SPIRE1: variants seen among roughly 807,000 people sequenced by gnomAD.
SPIRE1 encodes the protein spire type actin nucleation factor 1, also known as protein spire homolog 1.
Under a neutral mutation model 94.1 loss-of-function variants are expected in SPIRE1, and 40 were observed. The ratio of observed to expected loss-of-function variants is 0.43; its 90% CI spans 0.33 to 0.55. The LOEUF is 0.55. Among genes scored for constraint, SPIRE1 ranks in the 20% least tolerant of loss-of-function variants. The probability of loss-of-function intolerance (pLI) is 0.06; values close to 1 mark genes in which losing one functional copy is unlikely to be tolerated. For synonymous variants in SPIRE1, 376 were observed against 371.7 expected, an observed-to-expected ratio of 1.01 and a Z score of -0.13; for missense variants, 838 against 975.2, an observed-to-expected ratio of 0.86 and a Z score of 1.87.
chr18:12,632,485 C>T (rs993383564), intron 2 of SPIRE1, among the ~76,000 whole-genome samples: 1 of 152,074 alleles, frequency 6.6e-6, no homozygotes, highest in Non-Finnish European at 1.5e-5. Flanking sequence ...CTGGCTCTAC[C>T]GCCTCACCAC....
chr18:12,564,708 G>A (rs189261501), intron 2 of SPIRE1, among the ~76,000 whole-genome samples: 85 of 152,156 alleles, frequency 5.6e-4, no homozygotes, highest in African/African-American at 2.0e-3. Flanking sequence ...GCGCCAGGGT[G>A]GGAAAAATTG....
At chr18:12,582,920 T>G (rs920495024) in intron 2 of SPIRE1, among the ~76,000 whole-genome samples, 2 of 152,166 alleles carry the variant, frequency 1.3e-5, no homozygotes, top group Non-Finnish European at 2.9e-5. Context: ...TCATGGAACT[T>G]AGTACAAAGA....
At chr18:12,469,364 G>C (rs1351464498) in intron 10 of SPIRE1, among the ~76,000 whole-genome samples, 1 of 151,054 alleles carries the variant, frequency 6.6e-6, no homozygotes, top group African/African-American at 2.4e-5. Flanking sequence ...CACCATGCCT[G>C]GCTAATTTAT....
chr18:12,649,673 T>C (rs199602160), intron 1 of SPIRE1, among the ~76,000 whole-genome samples: 1 of 152,184 alleles, frequency 6.6e-6, no homozygotes, highest in Admixed American at 6.5e-5. Flanking sequence ...TCATCTCTTA[T>C]CAACATATAG....
At chr18:12,639,293 G>C (rs1003627342) in intron 1 of SPIRE1, among the ~76,000 whole-genome samples, 1 of 152,114 alleles carries the variant, frequency 6.6e-6, no homozygotes, top group African/African-American at 2.4e-5. Context: ...TGAAGTCACA[G>C]GATTTGTAAG....
At chr18:12,563,934 A>G (rs1165125215) in intron 2 of SPIRE1, among the ~76,000 whole-genome samples, 1 of 152,202 alleles carries the variant, frequency 6.6e-6, no homozygotes, top group Non-Finnish European at 1.5e-5. Context: ...TCTAATGAAC[A>G]AAAATCATAC....
At chr18:12,544,286 AC>A (rs897578793) in intron 3 of SPIRE1, among the ~76,000 whole-genome samples, 41 of 149,244 alleles carry the variant, frequency 2.7e-4, no homozygotes, top group African/African-American at 9.9e-4. Context: ...TGCAACCTCC[AC>A]CTCCTAGGTT....
At chr18:12,507,636 T>C (rs2033880901) in intron 5 of SPIRE1, among the ~76,000 whole-genome samples, 1 of 151,422 alleles carries the variant, frequency 6.6e-6, no homozygotes, top group African/African-American at 2.4e-5. Context: ...GAGGTAGAGG[T>C]TGCAGTGAGC....
intron 6 of SPIRE1, among the ~76,000 whole-genome samples, chr18:12,503,026 G>A (rs974051600): frequency 1.3e-5 from 2 of 151,570 alleles, no homozygotes; most frequent in African/African-American, 4.9e-5. Context: ...GGAGAATGGC[G>A]TGAACCCGGG....
At chr18:12,531,031 T>C (rs2034666237) in intron 4 of SPIRE1, among the ~76,000 whole-genome samples, 1 of 152,236 alleles carries the variant, frequency 6.6e-6, no homozygotes, top group Non-Finnish European at 1.5e-5. Flanking sequence ...ACTTCTATGA[T>C]ACTCTATCTT....
intron 10 of SPIRE1, among the ~76,000 whole-genome samples, chr18:12,477,931 AG>A (rs2032669195): frequency 6.6e-6 from 1 of 152,112 alleles, no homozygotes; most frequent in Admixed American, 6.6e-5. Flanking sequence ...TGTAAGTGCC[AG>A]GGAGCCTTCC....
In SPIRE1 at chr18:12,546,758, G is replaced by A. The variant is rs751409785; in HGVS notation, c.519C>T (p.Gly173=). 3 of 1,613,808 alleles carry A rather than the reference G, an allele frequency of 1.9e-6. No homozygotes were observed. The highest frequency in any genetic ancestry group is 2.7e-5 in the African/African-American group (2 of 74,844). Reference sequence around the variant, plus strand: ...CCAGGCCTTCTTCTGCAGCCTCATAGCCCTCATCATTGCTACCGTCAGCTT... The same window carrying A: ...CCAGGCCTTCTTCTGCAGCCTCATAACCCTCATCATTGCTACCGTCAGCTT... ...TVEADGSNDE[G]YEAAEEGLGD... The change falls in exon 3 of 17, where the codon GGC becomes GGT. Residue 173 remains glycine (G), a synonymous_variant. Coordinates refer to ENST00000409402, the MANE Select transcript of SPIRE1 (RefSeq NM_001128626.2).
chr18:12,658,124 C>CCGCCT (rs1555639279), upstream of SPIRE1: 1,128 of 954,724 alleles, frequency 1.2e-3, 1 homozygote, highest in Non-Finnish European at 1.3e-3. Context: ...CCGCCCCGCC[C>CCGCCT]CGCCCCGCCT....
intron 2 of SPIRE1, among the ~76,000 whole-genome samples, chr18:12,574,867 A>G (rs2036052743): frequency 6.6e-6 from 1 of 152,240 alleles, no homozygotes; most frequent in Non-Finnish European, 1.5e-5. Context: ...AAGAAAGAAA[A>G]TATTTCAAGA....
chr18:12,654,137 G>C (rs2038459966), intron 1 of SPIRE1, among the ~76,000 whole-genome samples: 1 of 151,542 alleles, frequency 6.6e-6, no homozygotes, highest in Non-Finnish European at 1.5e-5. Context: ...AGGAGTTTGA[G>C]ACCAGCTCAG....
At chr18:12,579,763 C>A (rs565920262) in intron 2 of SPIRE1, among the ~76,000 whole-genome samples, 102 of 152,248 alleles carry the variant, frequency 6.7e-4, no homozygotes, top group Middle Eastern at 3.4e-3. Context: ...AATAAAGGTC[C>A]CAGGAATCAA....
chr18:12,465,957 G>A (rs1039767769), intron 10 of SPIRE1, among the ~76,000 whole-genome samples: 4 of 151,876 alleles, frequency 2.6e-5, no homozygotes, highest in East Asian at 2.0e-4. Context: ...GGTGGCACGC[G>A]CCTGTAGTCC....
chr18:12,604,254 C>T (rs544494762), intron 2 of SPIRE1, among the ~76,000 whole-genome samples: 1 of 152,148 alleles, frequency 6.6e-6, no homozygotes, highest in Non-Finnish European at 1.5e-5. Flanking sequence ...GGGGGTCAGT[C>T]GTGTGAGGCT....
chr18:12,483,654 A>G (rs1475134024), intron 9 of SPIRE1, among the ~76,000 whole-genome samples: 1 of 152,190 alleles, frequency 6.6e-6, no homozygotes, highest in Non-Finnish European at 1.5e-5. Flanking sequence ...TTCACTAAGA[A>G]TTAATATTTC....
Sources: allele counts gnomAD v4.1 joint callset (sites outside exome capture counted in the v4.1 genomes callset), GRCh38; gene constraint gnomAD v4.1.1; transcripts MANE v1.5; gene names NCBI Gene and HGNC (gene_info 2026-07-23, HGNC 2026-07-21).